The following DOCK5 variants were observed in gnomAD, a reference collection of about 807,000 sequenced individuals.
DOCK5 encodes the protein dedicator of cytokinesis protein 5.
Under a neutral mutation model 251.8 loss-of-function variants are expected in DOCK5, and 142 were observed. The ratio of observed to expected loss-of-function variants is 0.56; its 90% CI spans 0.49 to 0.65. The LOEUF (loss-of-function observed/expected upper bound fraction) is 0.65. Ranked by LOEUF, DOCK5 falls within the 30% of genes least tolerant of loss-of-function variation. The probability of loss-of-function intolerance (pLI) is 0.00; values close to 1 mark genes in which losing one functional copy is unlikely to be tolerated. For missense variants in DOCK5, 2,111 were observed against 2,312.3 expected (o/e 0.91, Z 1.79); for synonymous variants, 842 against 835.5 (o/e 1.01, Z -0.13).
intron 48 of DOCK5, among the ~76,000 whole-genome samples, chr8:25,404,701 T>C (rs1054331823): frequency 2.6e-5 from 4 of 152,140 alleles, no homozygotes; most frequent in Non-Finnish European, 5.9e-5. Flanking sequence ...ACACATGTTA[T>C]TTTGTACATA....
At chr8:25,295,513 C>T (rs868579149) in intron 6 of DOCK5, among the ~76,000 whole-genome samples, 3 of 152,148 alleles carry the variant, frequency 2.0e-5, no homozygotes, top group Admixed American at 6.5e-5. Context: ...AGTATTCAAG[C>T]CAAGATTCAA....
chr8:25,310,655 C>G, intron 13 of DOCK5, 123 bp downstream of exon 13: 1 of 1,163,494 alleles, frequency 8.6e-7, no homozygotes, highest in South Asian at 1.9e-5. Flanking sequence ...CCTGAGACAC[C>G]TGGGACACAA....
rs193123221 is a variant in DOCK5 at position 25,327,029 on chromosome 8, C to T, written c.1903+1482C>T. On this transcript the variant is annotated intron_variant, in intron 18 of 51. Transcript: ENST00000276440. ...TGCCTGGCTTCAAATCCCAGCTCTGCCATTTACTAGCTGTTTCATCTTGGG... is the reference window on the plus strand; with the variant it reads ...TGCCTGGCTTCAAATCCCAGCTCTGTCATTTACTAGCTGTTTCATCTTGGG... 3.7e-3 allele frequency among the ~76,000 whole-genome samples: 568 copies of T among 152,270 alleles called. 6 individuals are homozygous for T. Among genetic ancestry groups the T allele is most frequent in the South Asian group, 7.7e-3 (37 of 4,830 alleles).
At chr8:25,252,102 A>G (rs1201616179) in intron 2 of DOCK5, among the ~76,000 whole-genome samples, 1 of 152,074 alleles carries the variant, frequency 6.6e-6, no homozygotes, top group Non-Finnish European at 1.5e-5. Context: ...ATGATACAGT[A>G]TGGTATCTAA....
chr8:25,403,873 TAAC>T (rs1252860369), intron 48 of DOCK5, 149 bp downstream of exon 48: 26 of 863,152 alleles, frequency 3.0e-5, no homozygotes, highest in African/African-American at 6.8e-5. Flanking sequence ...AGCAGAATAA[TAAC>T]AACAGTTACT....
At chr8:25,271,442 G>A (rs1459280714) in intron 3 of DOCK5, among the ~76,000 whole-genome samples, 1 of 152,132 alleles carries the variant, frequency 6.6e-6, no homozygotes, top group Non-Finnish European at 1.5e-5. Context: ...TTGACACCCC[G>A]TCATTAAGAG....
intron 3 of DOCK5, among the ~76,000 whole-genome samples, chr8:25,273,076 T>TGGCACAGC (rs1203619740): frequency 5.3e-5 from 8 of 151,676 alleles, no homozygotes; most frequent in Non-Finnish European, 1.2e-4. Flanking sequence ...CGTGGCGCAG[T>TGGCACAGC]GGCACAGTGG....
In DOCK5 at chr8:25,243,721, A is replaced by C. The variant is rs1164525309; in HGVS notation, c.91A>C (p.Ile31Leu). The C allele has an allele frequency of 6.2e-7, 1 of 1,613,788 alleles. No individual in the cohort carries two copies. Among genetic ancestry groups the C allele is most frequent in the East Asian group, 2.2e-5 (1 of 44,876 alleles). ...ASQDVELSLQ[I>L]GDTVHILEMY... is the part of the protein sequence containing the mutation. ...TCAAGATGTGGAGCTCTCCTTGCAG[A>C]TCGGTGACACAGTTCACATCCTGGA... The change falls in exon 2 of 52, where the codon ATC (isoleucine) becomes CTC (leucine). Residue 31 changes from isoleucine (I) to leucine (L), a missense_variant. Coordinates refer to ENST00000276440, the MANE Select transcript of DOCK5 (RefSeq NM_024940.8).
At chr8:25,231,104 T>C (rs921833277) in intron 1 of DOCK5, among the ~76,000 whole-genome samples, 1 of 152,156 alleles carries the variant, frequency 6.6e-6, no homozygotes, top group African/African-American at 2.4e-5. Flanking sequence ...CACATATGTA[T>C]ATGCAAATTC....
At position 25,413,778 on chromosome 8, in the gene DOCK5, C is replaced by A. The variant is rs1356806612; in HGVS notation, c.*2480C>A. ...ACCTTAATGGAAATAATAGCTCTCT[C>A]CTGCCTGAACAAAAGGGATTCCAGG... On this transcript the variant is annotated 3_prime_UTR_variant, in exon 52 of 52. Coordinates refer to ENST00000276440, the MANE Select transcript of DOCK5 (RefSeq NM_024940.8). 2 of 152,154 alleles carry A rather than the reference C, an allele frequency of 1.3e-5. No individual in the cohort carries two copies. Among genetic ancestry groups the A allele is most frequent in the East Asian group, 3.9e-4 (2 of 5,186 alleles). The allele number at this position is 152,154 out of a possible 1,614,324, so 9.4% of individuals were successfully genotyped here. A position where few individuals can be genotyped will look rare whatever the true frequency, so the allele number is the denominator to read the frequency against.
At chr8:25,381,679 T>C (rs1465158098) in intron 39 of DOCK5, among the ~76,000 whole-genome samples, 2 of 152,010 alleles carry the variant, frequency 1.3e-5, no homozygotes, top group East Asian at 3.9e-4. Flanking sequence ...ATTAGTAATG[T>C]AACATGTTAC....
chr8:25,351,261 T>G (rs1171686872), intron 26 of DOCK5: 1 of 155,512 alleles, frequency 6.4e-6, no homozygotes, highest in Non-Finnish European at 1.4e-5. Context: ...GGTTTCACTG[T>G]ATTAGCCAGG....
chr8:25,190,852 C>G (rs950433387), intron 1 of DOCK5, among the ~76,000 whole-genome samples: 1 of 129,356 alleles, frequency 7.7e-6, no homozygotes, highest in Admixed American at 9.8e-5. Context: ...GGCGCGATCT[C>G]GGCTCACTGC....
intron 39 of DOCK5, among the ~76,000 whole-genome samples, chr8:25,382,000 A>T (rs1250291140): frequency 2.0e-5 from 3 of 152,116 alleles, no homozygotes; most frequent in Admixed American, 2.0e-4. Flanking sequence ...CCTTCTTTTT[A>T]AAAATGTTCT....
In DOCK5 at chr8:25,184,959, C is replaced by A; in HGVS notation, c.43+8C>A. 2.1e-6 allele frequency: 3 copies of A among 1,406,980 alleles called. No homozygotes were observed. The highest frequency in any genetic ancestry group is 2.8e-6 in the Non-Finnish European group (3 of 1,070,704). The allele number at this position is 1,406,980 out of a possible 1,614,324, so 87.2% of individuals were successfully genotyped here. On this transcript the variant is annotated splice_region_variant and intron_variant, in intron 1 of 51. Coordinates refer to ENST00000276440, the MANE Select transcript of DOCK5 (RefSeq NM_024940.8). ...GGCAGAAGTACGGGGTTGGTGAGTG[C>A]GCGCCCCACCTTGTCCCGGCCCGAC... is the stretch of plus-strand genomic sequence containing the variant.
chr8:25,369,600 G>A lies in DOCK5; in HGVS notation c.3483G>A (p.Gly1161=). The change falls in exon 34 of 52, where the codon GGG becomes GGA. Residue 1161 remains glycine, a synonymous_variant. Transcript: ENST00000276440. ...LITKLDQEVE[G]GRGDEQYKVL... ...CAAAGCTGGACCAGGAGGTAGAAGG[G>A]GGCAGAGGAGACGAACAATACAAGG... The A allele has an allele frequency of 6.2e-7, 1 of 1,611,862 alleles. No individual in the cohort carries two copies.
intron 1 of DOCK5, among the ~76,000 whole-genome samples, chr8:25,204,980 G>C (rs1051528320): frequency 3.2e-4 from 49 of 152,072 alleles, no homozygotes; most frequent in African/African-American, 1.2e-3. Context: ...GAGATAATTA[G>C]GTTTAGATGA....
Position 25,369,748 on chromosome 8 carries a change from T to C in DOCK5, c.3524+107T>C, listed in dbSNP as rs987857378. The C allele has an allele frequency of 4.9e-5, 41 of 840,056 alleles. No homozygotes were observed. The African/African-American group carries it at 5.8e-4, about 12-fold the overall frequency. The allele number at this position is 840,056 out of a possible 1,614,324, so 52.0% of individuals were successfully genotyped here. ...AGCAATTGAGTAGTCTCAGAGTCAC[T>C]AGGGCCACCCCCACTGTGGTCTTCA... On this transcript the variant is annotated intron_variant, in intron 34 of 51. Transcript: ENST00000276440.
chr8:25,355,103 A>G (rs1004176337), intron 27 of DOCK5, among the ~76,000 whole-genome samples: 6 of 152,164 alleles, frequency 3.9e-5, no homozygotes, highest in Non-Finnish European at 7.3e-5. Context: ...GCATGGCAGC[A>G]TGTGCCTGTA....
Sources: allele counts gnomAD v4.1 joint callset (sites outside exome capture counted in the v4.1 genomes callset), GRCh38; gene constraint gnomAD v4.1.1; transcripts MANE v1.5; gene names NCBI Gene and HGNC (gene_info 2026-07-23, HGNC 2026-07-21).